The following RAD51B variants were observed in gnomAD, a reference collection of about 807,000 sequenced individuals.
RAD51B encodes RAD51 paralog B.
Under a neutral mutation model 42.2 loss-of-function variants are expected in RAD51B, and 38 were observed. That is an observed-to-expected ratio of 0.90 (90% CI 0.70 to 1.18). The LOEUF (loss-of-function observed/expected upper bound fraction) is 1.18. RAD51B is among the 50% of genes most tolerant of loss of function. The pLI is 0.00. For synonymous variants in RAD51B, 154 were observed against 145.2 expected (o/e 1.06, Z -0.43); for missense variants, 373 against 400.7 (o/e 0.93, Z 0.59).
intron 7 of RAD51B, among the ~76,000 whole-genome samples, chr14:68,036,789 T>C (rs1282968641): frequency 1.3e-5 from 2 of 152,194 alleles, no homozygotes; most frequent in Non-Finnish European, 2.9e-5. Context: ...CAAAAATCGA[T>C]TAAATTTTAA....
chr14:68,007,297 C>G (rs1196716607), intron 7 of RAD51B, among the ~76,000 whole-genome samples: 1 of 151,924 alleles, frequency 6.6e-6, no homozygotes, highest in African/African-American at 2.4e-5. Context: ...TACTTTTTGT[C>G]TATTATCAAT....
At chr14:68,558,253 T>G (rs1888959328) in intron 10 of RAD51B, among the ~76,000 whole-genome samples, 1 of 152,172 alleles carries the variant, frequency 6.6e-6, no homozygotes. Flanking sequence ...ACCCCACCCA[T>G]GCCCCTGAGA....
chr14:68,134,814 C>T (rs2077975332), intron 7 of RAD51B, among the ~76,000 whole-genome samples: 1 of 151,364 alleles, frequency 6.6e-6, no homozygotes, highest in African/African-American at 2.4e-5. Flanking sequence ...ATCCTCTTCG[C>T]ATTCTAGATA....
At chr14:68,288,245 A>G (rs191336938) in intron 7 of RAD51B, among the ~76,000 whole-genome samples, 4 of 152,360 alleles carry the variant, frequency 2.6e-5, no homozygotes, top group South Asian at 2.1e-4. Flanking sequence ...GATGATTGTA[A>G]TCAATGCTTT....
intron 10 of RAD51B, among the ~76,000 whole-genome samples, chr14:68,630,714 C>T (rs900027065): frequency 7.9e-6 from 1 of 126,022 alleles, no homozygotes; most frequent in African/African-American, 3.2e-5. Context: ...CTTCTACGGG[C>T]ACATCCTTTT....
At chr14:68,653,764 T>G (rs1892751263) in intron 11 of RAD51B, among the ~76,000 whole-genome samples, 1 of 152,244 alleles carries the variant, frequency 6.6e-6, no homozygotes, top group Non-Finnish European at 1.5e-5. Flanking sequence ...CACAGGCCCA[T>G]GCACAGAGGG....
intron 7 of RAD51B, among the ~76,000 whole-genome samples, chr14:67,915,267 A>G (rs7144079): frequency 0.026 from 3,945 of 152,310 alleles, 169 homozygotes; most frequent in African/African-American, 0.09. Context: ...GAAATGGGGT[A>G]TGTTTATCAG....
At chr14:68,112,798 AC>A in intron 7 of RAD51B, among the ~76,000 whole-genome samples, 6 of 152,238 alleles carry the variant, frequency 3.9e-5, no homozygotes, top group Admixed American at 3.9e-4. Context: ...TGCAATTAAC[AC>A]CCAATTAGTG....
At chr14:68,517,242 A>G (rs764752481) in intron 10 of RAD51B, among the ~76,000 whole-genome samples, 5 of 151,140 alleles carry the variant, frequency 3.3e-5, no homozygotes, top group African/African-American at 4.9e-5. Flanking sequence ...AGGAAAGGAA[A>G]GGGAAGGGGA....
intron 8 of RAD51B, among the ~76,000 whole-genome samples, chr14:68,402,948 T>C (rs553465602): frequency 1.2e-3 from 184 of 152,314 alleles, no homozygotes; most frequent in Non-Finnish European, 1.7e-3. Context: ...CCACCTGGTC[T>C]CATCAAAAGC....
intron 7 of RAD51B, among the ~76,000 whole-genome samples, chr14:68,252,181 A>G (rs918550710): frequency 1.3e-5 from 2 of 152,192 alleles, no homozygotes; most frequent in Non-Finnish European, 2.9e-5. Context: ...CAAGGTGGTG[A>G]AGTTTAAAAT....
chr14:68,235,178 A>G (rs1309345869), intron 7 of RAD51B, among the ~76,000 whole-genome samples: 5 of 152,102 alleles, frequency 3.3e-5, no homozygotes, highest in Non-Finnish European at 4.4e-5. Context: ...ATGACTAACA[A>G]TACAGTAGGT....
chr14:67,889,408 A>T (rs1236969200), intron 7 of RAD51B, among the ~76,000 whole-genome samples: 3 of 150,736 alleles, frequency 2.0e-5, no homozygotes, highest in Admixed American at 2.0e-4. Context: ...CAAATTAATT[A>T]TGTCAATTTA....
intron 7 of RAD51B, among the ~76,000 whole-genome samples, chr14:68,252,116 T>A (rs2080646305): frequency 6.6e-6 from 1 of 152,230 alleles, no homozygotes; most frequent in Admixed American, 6.5e-5. Flanking sequence ...CCTCTTTTAA[T>A]CCTACAGCCT....
chr14:68,511,627 T>C (rs1300782437), intron 10 of RAD51B, among the ~76,000 whole-genome samples: 1 of 152,218 alleles, frequency 6.6e-6, no homozygotes, highest in Non-Finnish European at 1.5e-5. Context: ...CAGCAGACCT[T>C]GCTCTCAGCA....
intron 10 of RAD51B, among the ~76,000 whole-genome samples, chr14:68,634,192 G>T (rs374992844): frequency 9.2e-5 from 14 of 152,124 alleles, no homozygotes; most frequent in African/African-American, 1.9e-4. Context: ...CACCTACCTC[G>T]TAGAGTTACT....
chr14:68,603,135 C>T (rs2140096765), intron 10 of RAD51B, among the ~76,000 whole-genome samples: 1 of 152,320 alleles, frequency 6.6e-6, no homozygotes, highest in African/African-American at 2.4e-5. Context: ...GTCCGAACCT[C>T]AGACATCTCT....
intron 7 of RAD51B, among the ~76,000 whole-genome samples, chr14:68,228,702 C>A (rs2080089592): frequency 6.6e-6 from 1 of 152,198 alleles, no homozygotes; most frequent in Non-Finnish European, 1.5e-5. Context: ...GCACTTGATA[C>A]AGTGAAATGA....
chr14:67,989,614 A>G (rs1366826146), intron 7 of RAD51B, among the ~76,000 whole-genome samples: 3 of 148,842 alleles, frequency 2.0e-5, no homozygotes, highest in Non-Finnish European at 4.5e-5. Flanking sequence ...CAGGCTGGGC[A>G]ACAAGAGCGA....
Sources: allele counts gnomAD v4.1 joint callset (sites outside exome capture counted in the v4.1 genomes callset), GRCh38; gene constraint gnomAD v4.1.1; transcripts MANE v1.5; gene names NCBI Gene and HGNC (gene_info 2026-07-23, HGNC 2026-07-21).